The following RASAL2 variants were observed in gnomAD, a reference collection of about 807,000 sequenced individuals.
The protein encoded by RASAL2 is RAS protein activator like 2, also known as ras GTPase-activating protein nGAP.
In RASAL2, 58 loss-of-function variants were observed where a neutral mutation model predicts 128.9. That is an observed-to-expected ratio of 0.45 (90% confidence interval 0.36 to 0.56). The LOEUF is 0.56. RASAL2 is among the 20% of genes least tolerant of loss of function. The pLI, the probability that RASAL2 is intolerant of heterozygous loss-of-function variation, is 0.00. For missense variants in RASAL2, 1,360 were observed against 1,601.6 expected, an observed-to-expected ratio of 0.85 and a Z score of 2.57; for synonymous variants, 561 against 580.8, an observed-to-expected ratio of 0.97 and a Z score of 0.49.
chr1:178,306,496 T>C (rs1667996203), intron 3 of RASAL2, among the ~76,000 whole-genome samples: 2 of 152,148 alleles, frequency 1.3e-5, no homozygotes, highest in South Asian at 4.1e-4. Flanking sequence ...ATGGTTGAAC[T>C]AGTTTACAGT....
intron 17 of RASAL2, among the ~76,000 whole-genome samples, chr1:178,469,386 T>G (rs55928585): frequency 2.0e-3 from 303 of 152,270 alleles, no homozygotes; most frequent in Non-Finnish European, 3.3e-3. Context: ...GCCTCATGAT[T>G]AGCTCCTGAA....
intron 1 of RASAL2, among the ~76,000 whole-genome samples, chr1:178,203,366 A>G (rs375161112): frequency 6.6e-6 from 1 of 152,190 alleles, no homozygotes; most frequent in East Asian, 1.9e-4. Context: ...TGAAGTTACA[A>G]TTACAATGCC....
intron 1 of RASAL2, among the ~76,000 whole-genome samples, chr1:178,203,316 C>T (rs1662936193): frequency 6.6e-6 from 1 of 152,152 alleles, no homozygotes; most frequent in Non-Finnish European, 1.5e-5. Context: ...TCCTCATCAT[C>T]CTGAAGCAGC....
chr1:178,386,032 G>A (rs371431903), intron 3 of RASAL2, among the ~76,000 whole-genome samples: 2 of 152,106 alleles, frequency 1.3e-5, no homozygotes, highest in Admixed American at 6.6e-5. Context: ...TCAAATACAT[G>A]ATAGGAATTT....
chr1:178,441,940 A>G (rs770715040), intron 7 of RASAL2, among the ~76,000 whole-genome samples: 1 of 152,160 alleles, frequency 6.6e-6, no homozygotes, highest in African/African-American at 2.4e-5. Flanking sequence ...ACTTACAGTC[A>G]TGGCAGAAGG....
At chr1:178,391,302 C>CT (rs1672893232) in intron 4 of RASAL2, among the ~76,000 whole-genome samples, 1 of 152,052 alleles carries the variant, frequency 6.6e-6, no homozygotes, top group Non-Finnish European at 1.5e-5. Context: ...ATTTATTTCA[C>CT]TATTTTTTTA....
chr1:178,447,673 T>TAAAAAAAA (rs60358768), intron 9 of RASAL2, among the ~76,000 whole-genome samples: 2 of 56,052 alleles, frequency 3.6e-5, no homozygotes, highest in African/African-American at 1.4e-4. Flanking sequence ...CTCCTTCTCT[T>TAAAAAAAA]AAAAAAAAAA....
At chr1:178,380,092 TTGCCCAGGC>T (rs947468127) in intron 3 of RASAL2, among the ~76,000 whole-genome samples, 3 of 152,162 alleles carry the variant, frequency 2.0e-5, no homozygotes, top group Non-Finnish European at 4.4e-5. Context: ...TCTCACCAGG[TTGCCCAGGC>T]TGGTCTCGAA....
At chr1:178,329,628 CG>C (rs1283792599) in intron 3 of RASAL2, among the ~76,000 whole-genome samples, 1 of 152,056 alleles carries the variant, frequency 6.6e-6, no homozygotes, top group Non-Finnish European at 1.5e-5. Flanking sequence ...TCCAAGTGAA[CG>C]TGATGTCTAA....
At chr1:178,120,627 G>T (rs1389731029) in intron 1 of RASAL2, among the ~76,000 whole-genome samples, 9 of 152,192 alleles carry the variant, frequency 5.9e-5, no homozygotes. Context: ...TACTGATAGG[G>T]TTTTGATATG....
chr1:178,400,211 C>T (rs749974611), intron 4 of RASAL2, among the ~76,000 whole-genome samples: 4 of 152,184 alleles, frequency 2.6e-5, no homozygotes, highest in Non-Finnish European at 4.4e-5. Context: ...TTTCCAGACT[C>T]ATTTCCTAAT....
At chr1:178,270,674 T>C (rs191855922) in intron 1 of RASAL2, among the ~76,000 whole-genome samples, 27 of 151,936 alleles carry the variant, frequency 1.8e-4, no homozygotes, top group African/African-American at 6.0e-4. Context: ...AGCTTTCTTT[T>C]GGTTCTGGTA....
intron 4 of RASAL2, among the ~76,000 whole-genome samples, chr1:178,409,889 C>A (rs1280906721): frequency 1.3e-5 from 2 of 152,156 alleles, no homozygotes; most frequent in African/African-American, 4.8e-5. Context: ...TAGTAGAAGC[C>A]AAGCCAAGCT....
At chr1:178,168,850 AT>A (rs1403848090) in intron 1 of RASAL2, among the ~76,000 whole-genome samples, 1 of 152,086 alleles carries the variant, frequency 6.6e-6, no homozygotes, top group Non-Finnish European at 1.5e-5. Flanking sequence ...TGCAGCTCCT[AT>A]GTATACACCA....
At chr1:178,370,070 C>A (rs373855446) in intron 3 of RASAL2, among the ~76,000 whole-genome samples, 1 of 152,122 alleles carries the variant, frequency 6.6e-6, no homozygotes, top group East Asian at 1.9e-4. Flanking sequence ...CAAAGTCATT[C>A]GGCAAAAATC....
intron 1 of RASAL2, among the ~76,000 whole-genome samples, chr1:178,237,312 GTA>G (rs1197063742): frequency 6.6e-6 from 1 of 152,040 alleles, no homozygotes; most frequent in Non-Finnish European, 1.5e-5. Context: ...GCTTCAAGCA[GTA>G]TTGCGGAATA....
chr1:178,349,859 A>G (rs1670365655), intron 3 of RASAL2, among the ~76,000 whole-genome samples: 2 of 152,198 alleles, frequency 1.3e-5, no homozygotes, highest in Non-Finnish European at 2.9e-5. Flanking sequence ...CTTTTTCATC[A>G]TTGTGAAATG....
chr1:178,438,094 A>C (rs988013954), intron 5 of RASAL2, among the ~76,000 whole-genome samples: 5 of 140,320 alleles, frequency 3.6e-5, no homozygotes, highest in African/African-American at 1.3e-4. Context: ...TAAACTTTAA[A>C]TGGTGGCTTG....
chr1:178,438,404 A>AGG (rs1676396082), intron 5 of RASAL2, among the ~76,000 whole-genome samples: 6 of 151,986 alleles, frequency 3.9e-5, no homozygotes, highest in African/African-American at 1.4e-4. Flanking sequence ...TCTTTACACA[A>AGG]GGCATTTCTT....
Sources: allele counts gnomAD v4.1 joint callset (sites outside exome capture counted in the v4.1 genomes callset), GRCh38; gene constraint gnomAD v4.1.1; transcripts MANE v1.5; gene names NCBI Gene and HGNC (gene_info 2026-07-23, HGNC 2026-07-21).